Variants in INSR observed in about 807,000 individuals in gnomAD.
INSR encodes IR.
Under a neutral mutation model 142.6 loss-of-function variants are expected in INSR, and 67 were observed. That is an observed-to-expected ratio of 0.47 (90% CI 0.39 to 0.58). The LOEUF (loss-of-function observed/expected upper bound fraction) is 0.58. Ranked by LOEUF, INSR falls within the 20% of genes least tolerant of loss-of-function variation. INSR has a pLI of 0.00. For missense variants in INSR, 1,248 were observed against 1,833.2 expected, an observed-to-expected ratio of 0.68 and a Z score of 5.83; for synonymous variants, 756 against 743.1, an observed-to-expected ratio of 1.02 and a Z score of -0.28.
At position 7,273,549 on chromosome 19, in the gene INSR, T is replaced by C. The variant is rs1432816340; in HGVS notation, c.101-5653A>G. ...TTTTCTTTAATTGAGACTTGAGTCT[T>C]ACTCTGTTGCCCAGGCTGGAGTGCA... On this transcript the variant is annotated intron_variant, in intron 1 of 21. Transcript: ENST00000302850. Among the ~76,000 whole-genome samples the C allele has an allele frequency of 2.6e-5, 4 of 151,672 alleles. No individual in the cohort carries two copies. In the East Asian group the frequency reaches 7.8e-4, roughly 30 times the overall value.
At chr19:7,180,347 T>G (rs144726608) in intron 3 of INSR, among the ~76,000 whole-genome samples, 13 of 151,964 alleles carry the variant, frequency 8.6e-5, no homozygotes, top group African/African-American at 3.1e-4. Flanking sequence ...CTGGGGAATA[T>G]AGCAAGACCC....
intron 2 of INSR, among the ~76,000 whole-genome samples, chr19:7,187,409 A>G (rs1974459279): frequency 6.6e-6 from 1 of 152,064 alleles, no homozygotes; most frequent in Non-Finnish European, 1.5e-5. Flanking sequence ...ATTCCCACCA[A>G]CAGTGTACCA....
At position 7,267,653 on chromosome 19, in the gene INSR, A is replaced by G; in HGVS notation, c.344T>C (p.Phe115Ser). The change falls in exon 2 of 22, where the codon TTC (phenylalanine) becomes TCC (serine). Residue 115 changes from phenylalanine to serine, a missense_variant. Physicochemically the swap from Phe to Ser is radical, Grantham distance 155. Coordinates refer to ENST00000302850, the MANE Select transcript of INSR (RefSeq NM_000208.4). This position sits in a 1 kb window ranked among gnomAD's most constrained non-coding sequence, Gnocchi z 6.3. ...NLTVIRGSRLFFNYALVIFEM... is the reference protein window; with the variant it reads ...NLTVIRGSRLSFNYALVIFEM... ...GAAGATGACCAGCGCGTAGTTAAAG[A>G]ACAGTCGTGATCCCCGGATGACCGT... is the stretch of plus-strand genomic sequence containing the variant. 6.2e-7 allele frequency: 1 copy of G among 1,614,026 alleles called. No individual in the cohort carries two copies. Among genetic ancestry groups the G allele is most frequent in the Non-Finnish European group, 8.5e-7 (1 of 1,179,952 alleles).
chr19:7,171,842 C>A (rs962383508), intron 5 of INSR, among the ~76,000 whole-genome samples: 1 of 151,904 alleles, frequency 6.6e-6, no homozygotes, highest in African/African-American at 2.4e-5. Context: ...GAGGTTTTGC[C>A]AGATATACTT....
Position 7,159,423 on chromosome 19 carries a change from T to A in INSR, c.2029+3609A>T, listed in dbSNP as rs568848956. 3.9e-5 allele frequency: 6 copies of A among 152,092 alleles called. No homozygotes were observed. Among genetic ancestry groups the A allele is most frequent in the African/African-American group, 1.4e-4 (6 of 41,492 alleles). The allele number at this position is 152,092 out of a possible 1,614,324, so 9.4% of individuals were successfully genotyped here. ...CTCCTAGGAGTGAAATCACACAGAA[T>A]TTGTCCTTAGTGAGTTTCCTTTTAA... On this transcript the variant is annotated intron_variant, in intron 9 of 21. Coordinates refer to ENST00000302850, the MANE Select transcript of INSR (RefSeq NM_000208.4). This position sits in a 1 kb window ranked among gnomAD's most constrained non-coding sequence, Gnocchi z 4.3.
At chr19:7,285,431 CAG>C (rs1256932889) in intron 1 of INSR, among the ~76,000 whole-genome samples, 2 of 152,064 alleles carry the variant, frequency 1.3e-5, no homozygotes, top group African/African-American at 4.8e-5. Context: ...GCCTGGGCAA[CAG>C]AGTTAGTGAG....
chr19:7,219,454 A>AAG (rs771018190), intron 2 of INSR, among the ~76,000 whole-genome samples: 2,312 of 134,392 alleles, frequency 0.017, 69 homozygotes, highest in African/African-American at 0.058. Context: ...AGAGAGAAAG[A>AAG]AGAGAGAGAG....
rs1423085867 is a variant in INSR at position 7,132,225 on chromosome 19, G to T, written c.2775C>A (p.Ile925=). The stretch of plus-strand genomic sequence containing the variant: ...CGTTGCCCGCAAGGGAGGTGGCCCG[G>T]ATTCGCACGCTGTAGTTCCCCGGTG... ...GLSPGNYSVR[I]RATSLAGNGS... Residue 925 remains isoleucine, a synonymous_variant, in exon 14 of 22, where the codon ATC becomes ATA. Transcript: ENST00000302850. 5 of 1,614,242 alleles carry T rather than the reference G, an allele frequency of 3.1e-6. No individual in the cohort carries two copies. Among genetic ancestry groups the T allele is most frequent in the Non-Finnish European group, 4.2e-6 (5 of 1,180,042 alleles).
At chr19:7,196,482 G>C (rs1393405753) in intron 2 of INSR, among the ~76,000 whole-genome samples, 1 of 152,146 alleles carries the variant, frequency 6.6e-6, no homozygotes, top group Non-Finnish European at 1.5e-5. Flanking sequence ...TCCAAAGCAA[G>C]GTTAAAAGCC....
intron 2 of INSR, among the ~76,000 whole-genome samples, chr19:7,209,791 A>T (rs1269555311): frequency 6.6e-6 from 1 of 152,150 alleles, no homozygotes; most frequent in Non-Finnish European, 1.5e-5. Context: ...GTTGAAATAC[A>T]GAACATTTGC....
chr19:7,212,377 G>A (rs978055888), intron 2 of INSR, among the ~76,000 whole-genome samples: 3 of 152,184 alleles, frequency 2.0e-5, no homozygotes, highest in African/African-American at 4.8e-5. Context: ...CATCATCCCC[G>A]GGACCCAAGC....
chr19:7,207,495 C>T (rs1258472626), intron 2 of INSR, among the ~76,000 whole-genome samples: 1 of 152,070 alleles, frequency 6.6e-6, no homozygotes, highest in African/African-American at 2.4e-5. Context: ...AGCCCCCTCA[C>T]CCACACACAG....
rs762727499 is a variant in INSR, at chr19:7,117,299, C to T, written c.3906G>A (p.Ser1302=). The T allele has an allele frequency of 9.9e-6, 16 of 1,614,080 alleles. No individual in the cohort carries two copies. The highest frequency in any genetic ancestry group is 3.3e-5 in the South Asian group (3 of 91,088). The change falls in exon 22 of 22, where the codon TCG becomes TCA. Residue 1302 remains serine (S), a synonymous_variant. Coordinates refer to ENST00000302850, the MANE Select transcript of INSR (RefSeq NM_000208.4). ...CCTTGTTCTCCTCGCTGTGGAAGAACGACACCTCTGGAAAGCTGGGGTGCA... is the reference window on the plus strand; with the variant it reads ...CCTTGTTCTCCTCGCTGTGGAAGAATGACACCTCTGGAAAGCTGGGGTGCA... ...DDLHPSFPEV[S]FFHSEENKAP...
chr19:7,173,381 T>C (rs1974062442), intron 4 of INSR, among the ~76,000 whole-genome samples: 3 of 151,364 alleles, frequency 2.0e-5, no homozygotes, highest in Admixed American at 2.0e-4. Context: ...TGCAGTGGTG[T>C]GATCTCGGCT....
rs367642400 is a variant in INSR at position 7,125,486 on chromosome 19, A to T, written c.3055T>A (p.Ser1019Thr). 3.7e-6 allele frequency: 6 copies of T among 1,613,762 alleles called. No homozygotes were observed. In the African/African-American group the frequency reaches 8.0e-5, roughly 22 times the overall value. The change falls in exon 17 of 22, where the codon TCT becomes ACT. Residue 1019 changes from serine to threonine, a missense_variant. Physicochemically the swap from Ser to Thr is moderately conservative, Grantham distance 58 (BLOSUM62 1). This residue lies in a region of INSR where 1,069 missense variants were observed against 1,654.0 expected (regional missense o/e 0.65). Coordinates refer to ENST00000302850, the MANE Select transcript of INSR (RefSeq NM_000208.4). This position sits in a 1 kb window ranked among gnomAD's most constrained non-coding sequence, Gnocchi z 4.9. ...SVYVPDEWEV[S>T]REKITLLREL... ...CGAAGGAGGGTGATCTTCTCTCGAGACACCTCCCACTCGTCCGGCACGTAC... is the reference window on the plus strand; with the variant it reads ...CGAAGGAGGGTGATCTTCTCTCGAGTCACCTCCCACTCGTCCGGCACGTAC...
At chr19:7,165,658 T>C (rs1375837339) in intron 8 of INSR, among the ~76,000 whole-genome samples, 9 of 151,024 alleles carry the variant, frequency 6.0e-5, no homozygotes, top group Admixed American at 5.9e-4. Context: ...AGGCCAGGGG[T>C]TCAAGACCAG....
intron 2 of INSR, among the ~76,000 whole-genome samples, chr19:7,204,497 CAT>C (rs1262237446): frequency 6.6e-6 from 1 of 152,164 alleles, no homozygotes; most frequent in Non-Finnish European, 1.5e-5. Context: ...ATTAGAAAAA[CAT>C]GTGAAGTTCT....
intron 1 of INSR, among the ~76,000 whole-genome samples, chr19:7,269,763 C>T (rs1967859549): frequency 6.6e-6 from 1 of 152,110 alleles, no homozygotes; most frequent in Admixed American, 6.6e-5. Context: ...AGGCAAAGAC[C>T]ATCACTCAAG....
Position 7,119,638 on chromosome 19 carries a change from A to G in INSR, c.3660-55T>C, listed in dbSNP as rs11672032. 8,876 of 1,567,052 alleles carry G rather than the reference A, an allele frequency of 5.7e-3. 262 individuals carry two copies. In the African/African-American group the frequency reaches 0.079, roughly 14 times the overall value. On this transcript the variant is annotated intron_variant, in intron 20 of 21. Coordinates refer to ENST00000302850, the MANE Select transcript of INSR (RefSeq NM_000208.4). This position sits in a 1 kb window ranked among gnomAD's most constrained non-coding sequence, Gnocchi z 5.2. ...AGAAGCCATTTAGACACACACACAC[A>G]CGCGCGCGCGCAAACACACACACGC... is the stretch of plus-strand genomic sequence containing the variant.
Sources: gnomAD v4.1 joint callset for allele counts (sites outside exome capture counted in the v4.1 genomes callset) on GRCh38, gnomAD v4.1.1 for gene constraint, gnomAD v4.1.1 regional missense constraint, Gnocchi (gnomAD v3.1) non-coding constraint, MANE v1.5 for transcripts, NCBI Gene and HGNC (gene_info 2026-07-23, HGNC 2026-07-21) for gene names.